Variants in RAB11FIP4 observed in about 807,000 individuals in gnomAD.
RAB11FIP4 encodes rab11 family-interacting protein 4.
A neutral mutation model predicts 74.3 loss-of-function variants in RAB11FIP4; 23 were observed. The ratio of observed to expected loss-of-function variants is 0.31; its 90% CI spans 0.22 to 0.44. The LOEUF (loss-of-function observed/expected upper bound fraction) is 0.44. Ranked by LOEUF, RAB11FIP4 falls within the 20% of genes least tolerant of loss-of-function variation. RAB11FIP4 has a pLI of 1.00. For missense variants in RAB11FIP4, 630 were observed against 863.9 expected, an observed-to-expected ratio of 0.73 and a Z score of 3.39; for synonymous variants, 360 against 359.9, an observed-to-expected ratio of 1.00 and a Z score of 0.00.
chr17:31,447,609 G>C (rs906400825), intron 3 of RAB11FIP4, among the ~76,000 whole-genome samples: 11 of 151,310 alleles, frequency 7.3e-5, no homozygotes, highest in African/African-American at 2.4e-4. Flanking sequence ...TGCAACCTCC[G>C]CCTCCCGGGT....
At chr17:31,487,996 C>T (rs1348089792) in intron 3 of RAB11FIP4, 1 of 992,946 alleles carries the variant, frequency 1.0e-6, no homozygotes, top group African/African-American at 1.7e-5. Context: ...CGAGGCCCCG[C>T]CCCCGAGTCC....
chr17:31,431,987 T>A, intron 2 of RAB11FIP4, 87 bp downstream of exon 2: 2 of 1,036,888 alleles, frequency 1.9e-6, no homozygotes, highest in Non-Finnish European at 2.9e-6. Flanking sequence ...CAGCCTGGAT[T>A]CCTCCCCACA....
In RAB11FIP4 at chr17:31,534,433, A is replaced by G. The variant is rs1240913850; in HGVS notation, c.*2701A>G. ...CAGGCATGCACCACCACGCCCAGCT[A>G]ATTTTTCTTATTTTTTGTAGAGACA... On this transcript the variant is annotated 3_prime_UTR_variant, in exon 15 of 15. Transcript: ENST00000621161. 6.6e-6 allele frequency: 1 copy of G among 152,004 alleles called. No individual in the cohort carries two copies. The highest frequency in any genetic ancestry group is 2.4e-5 in the African/African-American group (1 of 41,356). The allele number at this position is 152,004 out of a possible 1,614,324, so 9.4% of individuals were successfully genotyped here.
intron 3 of RAB11FIP4, among the ~76,000 whole-genome samples, chr17:31,499,564 C>A (rs2072179707): frequency 6.6e-6 from 1 of 152,134 alleles, no homozygotes; most frequent in Non-Finnish European, 1.5e-5. Flanking sequence ...ACCATGTTGA[C>A]CAGGATGGTC....
At chr17:31,402,951 G>T (rs1477553145) in intron 1 of RAB11FIP4, among the ~76,000 whole-genome samples, 1 of 151,928 alleles carries the variant, frequency 6.6e-6, no homozygotes, top group African/African-American at 2.4e-5. Context: ...TGCTTATTAT[G>T]ATAGGTGGAC....
chr17:31,505,697 A>T (rs2072335226), intron 3 of RAB11FIP4, among the ~76,000 whole-genome samples: 1 of 116,380 alleles, frequency 8.6e-6, no homozygotes, highest in Non-Finnish European at 1.7e-5. Flanking sequence ...TATAATAATT[A>T]TATATAATAT....
At chr17:31,413,251 C>T (rs531368710) in intron 1 of RAB11FIP4, among the ~76,000 whole-genome samples, 2 of 152,214 alleles carry the variant, frequency 1.3e-5, no homozygotes, top group South Asian at 2.1e-4. Flanking sequence ...CTCAGAGTGG[C>T]CCAACTCCTG....
intron 1 of RAB11FIP4, among the ~76,000 whole-genome samples, chr17:31,406,631 T>A (rs929286): frequency 0.21 from 32,470 of 152,104 alleles, 4,116 homozygotes; most frequent in East Asian, 0.43. Flanking sequence ...CTCATGAGAC[T>A]TTGCATTTTT....
chr17:31,422,675 C>G (rs72815654), intron 1 of RAB11FIP4, among the ~76,000 whole-genome samples: 12,905 of 152,072 alleles, frequency 0.085, 952 homozygotes, highest in East Asian at 0.32. Context: ...GATTTCCGTT[C>G]TGCTATTGAT....
intron 3 of RAB11FIP4, among the ~76,000 whole-genome samples, chr17:31,503,096 T>C (rs2072252372): frequency 6.6e-6 from 1 of 152,210 alleles, no homozygotes; most frequent in South Asian, 2.1e-4. Flanking sequence ...GCAGTGGCAC[T>C]ATCTCGGCTC....
chr17:31,524,788 T>G, intron 9 of RAB11FIP4: 2 of 454,404 alleles, frequency 4.4e-6, no homozygotes, highest in Non-Finnish European at 4.0e-6. Context: ...AAAGAAGAGG[T>G]GAGGCCTGAG....
intron 1 of RAB11FIP4, among the ~76,000 whole-genome samples, chr17:31,394,435 C>T (rs958208789): frequency 1.3e-5 from 2 of 152,170 alleles, no homozygotes; most frequent in African/African-American, 4.8e-5. Flanking sequence ...GTTTCCTCTC[C>T]AGGACTGTGC....
chr17:31,431,063 G>T (rs2071305184), intron 1 of RAB11FIP4, among the ~76,000 whole-genome samples: 1 of 152,242 alleles, frequency 6.6e-6, no homozygotes, highest in South Asian at 2.1e-4. Flanking sequence ...CCACACAGCT[G>T]CAGGAACCCC....
In RAB11FIP4 at chr17:31,531,613, C is replaced by T. The variant is rs200800553; in HGVS notation, c.1798-3C>T. The T allele has an allele frequency of 2.1e-4, 334 of 1,603,632 alleles. 1 individual carries two copies. The highest frequency in any genetic ancestry group is 4.4e-5 in the Non-Finnish European group (51 of 1,170,528). ...ACTGACCCGTCTTTCCCATTTCCTTCAGCTAATGGAAGCCCTGAAGGAGCA... is the reference window on the plus strand; with the variant it reads ...ACTGACCCGTCTTTCCCATTTCCTTTAGCTAATGGAAGCCCTGAAGGAGCA... On this transcript the variant is annotated splice_region_variant and splice_polypyrimidine_tract_variant and intron_variant, in intron 14 of 14. Coordinates refer to ENST00000621161, the MANE Select transcript of RAB11FIP4 (RefSeq NM_032932.6).
chr17:31,420,345 C>T (rs979575967), intron 1 of RAB11FIP4, among the ~76,000 whole-genome samples: 3 of 152,138 alleles, frequency 2.0e-5, no homozygotes, highest in African/African-American at 7.2e-5. Flanking sequence ...ATCCTCCCAC[C>T]TCACCCAACC....
chr17:31,488,404 G>C (rs1297863381), intron 3 of RAB11FIP4: 10 of 992,868 alleles, frequency 1.0e-5, no homozygotes, highest in African/African-American at 1.7e-5. Context: ...GAGCCATCTC[G>C]TTCGGCCGCG....
At chr17:31,446,422 G>A (rs549632323) in intron 3 of RAB11FIP4, among the ~76,000 whole-genome samples, 4 of 152,168 alleles carry the variant, frequency 2.6e-5, no homozygotes, top group South Asian at 2.1e-4. Flanking sequence ...GGAGGCAGCC[G>A]GCCTTGGTAC....
intron 3 of RAB11FIP4, among the ~76,000 whole-genome samples, chr17:31,453,754 C>T (rs1375699421): frequency 1.4e-5 from 2 of 143,108 alleles, no homozygotes; most frequent in South Asian, 2.2e-4. Flanking sequence ...GAGCTGAGAT[C>T]GCACCACTGC....
chr17:31,469,181 C>T (rs1487820455), intron 3 of RAB11FIP4, among the ~76,000 whole-genome samples: 2 of 152,184 alleles, frequency 1.3e-5, no homozygotes, highest in Non-Finnish European at 2.9e-5. Flanking sequence ...CATTCATTAG[C>T]TCATCTAATA....
Sources: allele counts gnomAD v4.1 joint callset (sites outside exome capture counted in the v4.1 genomes callset), GRCh38; gene constraint gnomAD v4.1.1; transcripts MANE v1.5; gene names NCBI Gene and HGNC (gene_info 2026-07-23, HGNC 2026-07-21).